ITGBL1: variants seen among roughly 807,000 people sequenced by gnomAD.
The protein encoded by ITGBL1 is integrin subunit beta like 1.
In ITGBL1, 51 loss-of-function variants were observed where a neutral mutation model predicts 68.5. The observed-to-expected ratio is 0.74, with a 90% confidence interval of 0.59 to 0.94. The LOEUF (loss-of-function observed/expected upper bound fraction) is 0.94. ITGBL1 is among the 40% of genes least tolerant of loss of function. The probability of loss-of-function intolerance (pLI) is 0.00; values close to 1 mark genes in which losing one functional copy is unlikely to be tolerated. For missense variants in ITGBL1, 649 were observed against 647.4 expected (o/e 1.00, Z -0.03); for synonymous variants, 209 against 227.3 (o/e 0.92, Z 0.72).
intron 6 of ITGBL1, among the ~76,000 whole-genome samples, chr13:101,586,215 C>T (rs760534214): frequency 1.3e-5 from 2 of 152,206 alleles, no homozygotes; most frequent in Admixed American, 6.5e-5. Flanking sequence ...TCCTTTTTCT[C>T]ACATTTTCCT....
At chr13:101,594,347 G>A (rs116357483) in intron 6 of ITGBL1, among the ~76,000 whole-genome samples, 1,842 of 152,168 alleles carry the variant, frequency 0.012, 45 homozygotes, top group African/African-American at 0.042. Flanking sequence ...CAGTTTATTC[G>A]ATAAATGGTG....
At chr13:101,529,876 T>C (rs898163936) in intron 2 of ITGBL1, among the ~76,000 whole-genome samples, 1 of 152,162 alleles carries the variant, frequency 6.6e-6, no homozygotes, top group African/African-American at 2.4e-5. Flanking sequence ...AATTACCTAG[T>C]CTCAGGTAGT....
chr13:101,489,226 A>C (rs1271243313), intron 2 of ITGBL1, among the ~76,000 whole-genome samples: 3 of 152,220 alleles, frequency 2.0e-5, no homozygotes, highest in African/African-American at 7.2e-5. Flanking sequence ...CACAGATAGA[A>C]GTTTACTTCA....
At chr13:101,538,108 C>G (rs2049611520) in intron 2 of ITGBL1, among the ~76,000 whole-genome samples, 1 of 151,736 alleles carries the variant, frequency 6.6e-6, no homozygotes, top group African/African-American at 2.4e-5. Flanking sequence ...GTATGTAAAA[C>G]AGGTTTTTGA....
chr13:101,660,928 G>T (rs1340411751), intron 7 of ITGBL1, among the ~76,000 whole-genome samples: 1 of 152,138 alleles, frequency 6.6e-6, no homozygotes, highest in South Asian at 2.1e-4. Flanking sequence ...CTCTAAATTT[G>T]TTACCAAGGG....
chr13:101,532,750 C>T (rs1476669430), intron 2 of ITGBL1, among the ~76,000 whole-genome samples: 2 of 152,144 alleles, frequency 1.3e-5, no homozygotes. Context: ...AAAGTAACAA[C>T]TCTAAATAAT....
intron 5 of ITGBL1, among the ~76,000 whole-genome samples, chr13:101,580,435 CT>C (rs2050436359): frequency 1.8e-5 from 1 of 55,828 alleles, no homozygotes; most frequent in Admixed American, 2.4e-4. Flanking sequence ...CTTATGGTTT[CT>C]TTTTATTATT....
At chr13:101,556,623 A>G (rs1167908934) in intron 2 of ITGBL1, among the ~76,000 whole-genome samples, 1 of 152,026 alleles carries the variant, frequency 6.6e-6, no homozygotes, top group East Asian at 1.9e-4. Flanking sequence ...CAAGAGGGAA[A>G]TTCCGTCTCA....
At chr13:101,600,899 C>G (rs2030331350) in intron 7 of ITGBL1, among the ~76,000 whole-genome samples, 1 of 152,016 alleles carries the variant, frequency 6.6e-6, no homozygotes, top group Non-Finnish European at 1.5e-5. Context: ...CTAAAATTCT[C>G]TTTTTTTGTT....
At chr13:101,563,873 A>G (rs2139241705) in intron 2 of ITGBL1, among the ~76,000 whole-genome samples, 1 of 152,044 alleles carries the variant, frequency 6.6e-6, no homozygotes, top group East Asian at 1.9e-4. Flanking sequence ...TATGATTTAT[A>G]AACATAGAAC....
At chr13:101,581,354 A>T (rs774761139) in intron 5 of ITGBL1, among the ~76,000 whole-genome samples, 1 of 152,188 alleles carries the variant, frequency 6.6e-6, no homozygotes, top group Admixed American at 6.5e-5. Context: ...TAAAATCTAG[A>T]TAATAAAGTA....
At chr13:101,676,807 A>C (rs551116777) in intron 7 of ITGBL1, among the ~76,000 whole-genome samples, 3 of 152,200 alleles carry the variant, frequency 2.0e-5, no homozygotes, top group Admixed American at 6.5e-5. Flanking sequence ...AGATATTCGT[A>C]TAAGATATTA....
intron 7 of ITGBL1, among the ~76,000 whole-genome samples, chr13:101,643,228 CTT>C (rs1432667745): frequency 1.4e-5 from 2 of 143,642 alleles, no homozygotes; most frequent in African/African-American, 5.3e-5. Context: ...TTTGTATCCT[CTT>C]TTATTTCCTT....
chr13:101,610,596 A>G (rs1351781746), intron 7 of ITGBL1, among the ~76,000 whole-genome samples: 1 of 152,178 alleles, frequency 6.6e-6, no homozygotes, highest in Non-Finnish European at 1.5e-5. Context: ...TTAGGCCTAC[A>G]TTCTCTTTTT....
intron 2 of ITGBL1, among the ~76,000 whole-genome samples, chr13:101,488,732 C>T (rs974705778): frequency 2.0e-5 from 3 of 152,078 alleles, no homozygotes; most frequent in African/African-American, 4.8e-5. Context: ...AATAATTTTG[C>T]GTCTTCCTCA....
intron 7 of ITGBL1, among the ~76,000 whole-genome samples, chr13:101,689,737 T>C (rs1323918331): frequency 1.3e-5 from 2 of 152,178 alleles, no homozygotes; most frequent in Non-Finnish European, 2.9e-5. Context: ...TGTGGATATA[T>C]AGTAGGTGTA....
intron 7 of ITGBL1, among the ~76,000 whole-genome samples, chr13:101,605,538 A>G (rs1311017574): frequency 6.6e-6 from 1 of 151,472 alleles, no homozygotes; most frequent in Non-Finnish European, 1.5e-5. Context: ...GTATATGCGT[A>G]TATATACACG....
Position 101,705,076 on chromosome 13 carries a change from T to C in ITGBL1, c.1133-1680T>C, listed in dbSNP as rs188326816. On this transcript the variant is annotated intron_variant, in intron 8 of 10. Transcript: ENST00000376180. Reference sequence around the variant, plus strand: ...TTAGTAGTCCCCCATTCGTATCCGATGTTTTTCCCAGAATATTTTTTAAAA... The same window carrying C: ...TTAGTAGTCCCCCATTCGTATCCGACGTTTTTCCCAGAATATTTTTTAAAA... Among the ~76,000 whole-genome samples the C allele has an allele frequency of 3.3e-5, 5 of 152,244 alleles. No homozygotes were observed. In the East Asian group the frequency reaches 9.7e-4, roughly 29 times the overall value.
chr13:101,593,233 T>C (rs1329830767), intron 6 of ITGBL1, among the ~76,000 whole-genome samples: 1 of 141,056 alleles, frequency 7.1e-6, no homozygotes, highest in African/African-American at 2.7e-5. Context: ...GAATCGGTTT[T>C]ATTATAGAAT....
Sources: allele counts gnomAD v4.1 joint callset (sites outside exome capture counted in the v4.1 genomes callset), GRCh38; gene constraint gnomAD v4.1.1; transcripts MANE v1.5; gene names NCBI Gene and HGNC (gene_info 2026-07-23, HGNC 2026-07-21).